The following RUVBL1 variants were observed in gnomAD, a reference collection of about 807,000 sequenced individuals.
The protein encoded by RUVBL1 is RuvB like AAA ATPase 1, also known as ruvB-like 1.
Under a neutral mutation model 52.4 loss-of-function variants are expected in RUVBL1, and 4 were observed. That is an observed-to-expected ratio of 0.08 (90% CI 0.04 to 0.17). RUVBL1 has a LOEUF of 0.17. Ranked by LOEUF, RUVBL1 falls within the 10% of genes least tolerant of loss-of-function variation. The pLI, the probability that RUVBL1 is intolerant of heterozygous loss-of-function variation, is 1.00. For synonymous variants in RUVBL1, 217 were observed against 214.4 expected (o/e 1.01, Z -0.10); for missense variants, 298 against 572.8 (o/e 0.52, Z 4.90).
chr3:128,150,259 A>C (rs1337445018), intron 1 of RUVBL1, among the ~76,000 whole-genome samples: 1 of 152,140 alleles, frequency 6.6e-6, no homozygotes, highest in East Asian at 1.9e-4. Flanking sequence ...GCAGGTGTTC[A>C]ATCAATATTT....
chr3:128,068,402 A>G (rs1942048854), intron 9 of RUVBL1, among the ~76,000 whole-genome samples: 1 of 152,180 alleles, frequency 6.6e-6, no homozygotes, highest in South Asian at 2.1e-4. Flanking sequence ...GGGGTGCTGA[A>G]GAGAGCGCCC....
intron 2 of RUVBL1, among the ~76,000 whole-genome samples, chr3:128,118,993 A>G (rs2107714601): frequency 6.6e-6 from 1 of 152,302 alleles, no homozygotes; most frequent in South Asian, 2.1e-4. Context: ...TGTCCCCTCA[A>G]GTAAGATGTC....
intron 1 of RUVBL1, among the ~76,000 whole-genome samples, chr3:128,122,883 T>G (rs1352466362): frequency 6.6e-6 from 1 of 152,172 alleles, no homozygotes; most frequent in Non-Finnish European, 1.5e-5. Context: ...CAACTCAATA[T>G]TTTCACCTGC....
At chr3:128,143,463 G>T (rs1044406789) in intron 1 of RUVBL1, among the ~76,000 whole-genome samples, 1 of 152,196 alleles carries the variant, frequency 6.6e-6, no homozygotes, top group Non-Finnish European at 1.5e-5. Flanking sequence ...GAGCCACAGT[G>T]CCCCGCCAAG....
chr3:128,090,052 G>A (rs1942790692), intron 8 of RUVBL1, among the ~76,000 whole-genome samples: 1 of 152,008 alleles, frequency 6.6e-6, no homozygotes, highest in African/African-American at 2.4e-5. Flanking sequence ...TTTGGAAATA[G>A]TGGTGATGGT....
chr3:128,112,049 G>A (rs150938058), intron 3 of RUVBL1, among the ~76,000 whole-genome samples: 7 of 152,318 alleles, frequency 4.6e-5, no homozygotes, highest in Non-Finnish European at 8.8e-5. Flanking sequence ...GGACTTTTAT[G>A]TAACAGTTAA....
chr3:128,148,864 T>G (rs938361219), intron 1 of RUVBL1, among the ~76,000 whole-genome samples: 2 of 152,232 alleles, frequency 1.3e-5, no homozygotes. Flanking sequence ...AAACAGCTTC[T>G]TTGTTCTTTT....
intron 9 of RUVBL1, among the ~76,000 whole-genome samples, chr3:128,087,232 C>T (rs1942673560): frequency 6.6e-6 from 1 of 152,232 alleles, no homozygotes; most frequent in Admixed American, 6.5e-5. Flanking sequence ...CATTCTGTAC[C>T]CTGCTGGAGC....
rs753122930 is a variant in RUVBL1 at position 128,087,694 on chromosome 3, A to G, written c.1119+12T>C. 6.2e-7 allele frequency: 1 copy of G among 1,602,474 alleles called. No individual in the cohort carries two copies. Among genetic ancestry groups the G allele is most frequent in the Non-Finnish European group, 8.5e-7 (1 of 1,170,192 alleles). The stretch of plus-strand genomic sequence containing the variant: ...TGAGAGAAGAGAGCAGGAGGGAAGA[A>G]GGGAGGCTCACCTGTTTCATTTCCT... On this transcript the variant is annotated intron_variant, in intron 9 of 10. Transcript: ENST00000322623.
At chr3:128,097,651 G>C (rs894835292) in intron 7 of RUVBL1, among the ~76,000 whole-genome samples, 153 bp from the exon 8 acceptor site, 20 of 152,112 alleles carry the variant, frequency 1.3e-4, no homozygotes, top group African/African-American at 4.8e-4. Context: ...CCCCACTCCA[G>C]GTTTCAGTGT....
intron 9 of RUVBL1, among the ~76,000 whole-genome samples, chr3:128,073,052 G>A (rs760436081): frequency 4.6e-5 from 7 of 152,168 alleles, no homozygotes; most frequent in Non-Finnish European, 8.8e-5. Context: ...AGAAACTGAG[G>A]CCCAGGGAAA....
chr3:128,073,544 C>G (rs1407216583), intron 9 of RUVBL1, among the ~76,000 whole-genome samples: 5 of 152,216 alleles, frequency 3.3e-5, no homozygotes, highest in Admixed American at 2.6e-4. Flanking sequence ...AGCTTCAGCA[C>G]CTACCAATGC....
At chr3:128,118,045 C>T (rs1404658957) in intron 2 of RUVBL1, among the ~76,000 whole-genome samples, 1 of 152,042 alleles carries the variant, frequency 6.6e-6, no homozygotes, top group Non-Finnish European at 1.5e-5. Flanking sequence ...TGAATGCAAA[C>T]GTGAGAGACT....
At chr3:128,143,618 T>A (rs1402176672) in intron 1 of RUVBL1, among the ~76,000 whole-genome samples, 1 of 152,246 alleles carries the variant, frequency 6.6e-6, no homozygotes, top group Non-Finnish European at 1.5e-5. Flanking sequence ...AGCCCAGGCC[T>A]GCATGCCCCA....
chr3:128,144,776 G>A (rs556211174), intron 1 of RUVBL1, among the ~76,000 whole-genome samples: 4 of 152,338 alleles, frequency 2.6e-5, no homozygotes, highest in South Asian at 4.1e-4. Context: ...TATAGGAGGC[G>A]TGAAGCAACC....
intron 6 of RUVBL1, among the ~76,000 whole-genome samples, chr3:128,099,324 G>C (rs921373905): frequency 2.0e-5 from 3 of 152,144 alleles, no homozygotes; most frequent in Non-Finnish European, 2.9e-5. Context: ...CTCCTTCCTA[G>C]AAGTTCCCAG....
chr3:128,086,385 A>G (rs1445988923), intron 9 of RUVBL1, among the ~76,000 whole-genome samples: 1 of 152,232 alleles, frequency 6.6e-6, no homozygotes, highest in African/African-American at 2.4e-5. Context: ...CTGGCCAGGC[A>G]TGTCCTGCTC....
chr3:128,135,263 T>C (rs556288887), intron 1 of RUVBL1, among the ~76,000 whole-genome samples: 16 of 152,354 alleles, frequency 1.1e-4, no homozygotes, highest in African/African-American at 3.8e-4. Flanking sequence ...CTGGGCATGG[T>C]GGCTCATGCC....
At chr3:128,086,356 G>C (rs889871637) in intron 9 of RUVBL1, among the ~76,000 whole-genome samples, 6 of 152,218 alleles carry the variant, frequency 3.9e-5, no homozygotes, top group African/African-American at 1.4e-4. Context: ...TGGGTTACTG[G>C]GGATCAAATG....
Sources: gnomAD v4.1 joint callset for allele counts (sites outside exome capture counted in the v4.1 genomes callset) on GRCh38, gnomAD v4.1.1 for gene constraint, MANE v1.5 for transcripts, NCBI Gene and HGNC (gene_info 2026-07-23, HGNC 2026-07-21) for gene names.